WDFY2: variants seen among roughly 807,000 people sequenced by gnomAD.
WDFY2 encodes WD repeat and FYVE domain containing 2.
A neutral mutation model predicts 56.4 loss-of-function variants in WDFY2; 36 were observed. The observed-to-expected ratio is 0.64, with a 90% CI of 0.49 to 0.84. WDFY2 has a LOEUF of 0.84. Among genes scored for constraint, WDFY2 ranks in the 40% least tolerant of loss-of-function variants. WDFY2 has a pLI of 0.00. For synonymous variants in WDFY2, 176 were observed against 183.7 expected (o/e 0.96, Z 0.34); for missense variants, 444 against 512.2 (o/e 0.87, Z 1.29).
chr13:51,727,817 T>C (rs1482603494), intron 6 of WDFY2, 27 bp downstream of exon 6: 1 of 1,603,486 alleles, frequency 6.2e-7, no homozygotes, highest in Non-Finnish European at 8.5e-7. Flanking sequence ...AATCGTCATG[T>C]GCTGATAGCA....
intron 1 of WDFY2, among the ~76,000 whole-genome samples, chr13:51,657,889 C>G (rs1485493195): frequency 6.6e-6 from 1 of 152,124 alleles, no homozygotes; most frequent in Admixed American, 6.5e-5. Flanking sequence ...CTTTTTAAAA[C>G]TGTTAAAGTC....
Position 51,584,660 on chromosome 13 carries a change from C to T in WDFY2, c.-28C>T, listed in dbSNP as rs1474585518. 6.3e-7 allele frequency: 1 copy of T among 1,599,006 alleles called. No homozygotes were observed. Among genetic ancestry groups the T allele is most frequent in the Non-Finnish European group, 8.5e-7 (1 of 1,174,714 alleles). ...CCCGGCCCCGCGGCGCGGTTGGCGG[C>T]GGCGCCCCAGGCGCGCCCCCTCCTC... On this transcript the variant is annotated 5_prime_UTR_variant, in exon 1 of 12. Transcript: ENST00000298125.
chr13:51,759,172 C>A (rs905368213), intron 11 of WDFY2, among the ~76,000 whole-genome samples: 5 of 152,150 alleles, frequency 3.3e-5, no homozygotes, highest in Non-Finnish European at 4.4e-5. Flanking sequence ...CAGAGCAAGA[C>A]CCTGTCTCAA....
chr13:51,726,580 G>T (rs945164221), intron 5 of WDFY2, among the ~76,000 whole-genome samples: 6 of 152,172 alleles, frequency 3.9e-5, no homozygotes, highest in Admixed American at 1.3e-4. Flanking sequence ...CAGATTCCCA[G>T]AAGGAAAGCA....
In WDFY2 at chr13:51,630,116, T is replaced by C. The variant is rs556160416; in HGVS notation, c.138-30480T>C. Among the ~76,000 whole-genome samples, 9 of 152,268 alleles carry C rather than the reference T, an allele frequency of 5.9e-5. No individual in the cohort carries two copies. The Middle Eastern group carries it at 0.01, about 173-fold the overall frequency. On this transcript the variant is annotated intron_variant, in intron 1 of 11. Coordinates refer to ENST00000298125, the MANE Select transcript of WDFY2 (RefSeq NM_052950.4). ...ATGGAGCCTTAGCCATTAAAGACAT[T>C]GAGTTACTGAATCAACCTGGAACTA...
At chr13:51,663,962 A>G (rs1955658560) in intron 2 of WDFY2, among the ~76,000 whole-genome samples, 1 of 152,276 alleles carries the variant, frequency 6.6e-6, no homozygotes, top group Non-Finnish European at 1.5e-5. Flanking sequence ...AATTTTGTCC[A>G]TTAAAATACC....
chr13:51,730,249 T>TA (rs1485792741), intron 6 of WDFY2, among the ~76,000 whole-genome samples: 1 of 152,254 alleles, frequency 6.6e-6, no homozygotes, highest in Admixed American at 6.5e-5. Context: ...TTGTCGTTAT[T>TA]ACGCCACTGA....
chr13:51,704,888 G>T (rs189221298), intron 4 of WDFY2, among the ~76,000 whole-genome samples: 1 of 152,272 alleles, frequency 6.6e-6, no homozygotes, highest in East Asian at 1.9e-4. Flanking sequence ...ATACCCTGTG[G>T]TAGGTAACCT....
At chr13:51,679,411 T>G (rs1955941162) in intron 3 of WDFY2, among the ~76,000 whole-genome samples, 1 of 152,172 alleles carries the variant, frequency 6.6e-6, no homozygotes, top group Non-Finnish European at 1.5e-5. Context: ...CATTGAAGAT[T>G]TTTTGAAAAA....
chr13:51,751,511 A>G, intron 8 of WDFY2, 96 bp downstream of exon 8: 1 of 1,187,110 alleles, frequency 8.4e-7, no homozygotes, highest in Admixed American at 1.9e-5. Flanking sequence ...ACCATGAAAT[A>G]AGGCATGTAA....
chr13:51,648,454 A>G (rs1403236591), intron 1 of WDFY2, among the ~76,000 whole-genome samples: 3 of 152,202 alleles, frequency 2.0e-5, no homozygotes, highest in Non-Finnish European at 2.9e-5. Context: ...GGCCTGATGT[A>G]GTGCTTGACC....
chr13:51,607,432 G>C (rs919012983), intron 1 of WDFY2, among the ~76,000 whole-genome samples: 1 of 152,198 alleles, frequency 6.6e-6, no homozygotes, highest in African/African-American at 2.4e-5. Flanking sequence ...ATAAGAGGAG[G>C]ACTCCAGTCA....
At chr13:51,711,980 C>T (rs1474804041) in intron 4 of WDFY2, among the ~76,000 whole-genome samples, 1 of 152,158 alleles carries the variant, frequency 6.6e-6, no homozygotes, top group Non-Finnish European at 1.5e-5. Flanking sequence ...GCTATAAAGA[C>T]ACATGTACAC....
intron 1 of WDFY2, among the ~76,000 whole-genome samples, chr13:51,645,843 A>AT (rs1378213961): frequency 2.6e-5 from 4 of 151,912 alleles, no homozygotes; most frequent in African/African-American, 9.7e-5. Flanking sequence ...CCAAATCTTA[A>AT]TTTTCAGCCC....
chr13:51,742,861 TTC>T (rs1200020413), intron 7 of WDFY2, among the ~76,000 whole-genome samples: 5 of 152,226 alleles, frequency 3.3e-5, no homozygotes, highest in African/African-American at 7.2e-5. Context: ...AGCTCTTGAT[TTC>T]TCTCTTACTA....
intron 1 of WDFY2, among the ~76,000 whole-genome samples, chr13:51,597,062 G>A (rs1954165469): frequency 6.6e-6 from 1 of 152,024 alleles, no homozygotes; most frequent in Admixed American, 6.6e-5. Flanking sequence ...TCCAGTGTGT[G>A]GTCCTCCTCC....
intron 1 of WDFY2, among the ~76,000 whole-genome samples, chr13:51,616,258 G>T (rs1954611736): frequency 1.3e-5 from 2 of 152,118 alleles, no homozygotes; most frequent in Non-Finnish European, 2.9e-5. Flanking sequence ...ATAAGATACT[G>T]TATAAATTCA....
chr13:51,715,414 A>T (rs975636736), intron 4 of WDFY2, among the ~76,000 whole-genome samples: 1 of 152,126 alleles, frequency 6.6e-6, no homozygotes, highest in Admixed American at 6.5e-5. Flanking sequence ...TAAGACACAA[A>T]CACACGCATT....
intron 3 of WDFY2, among the ~76,000 whole-genome samples, chr13:51,697,836 T>G (rs987683692): frequency 6.6e-6 from 1 of 152,306 alleles, no homozygotes; most frequent in South Asian, 2.1e-4. Context: ...CAATTGTATG[T>G]GTTTCTGTGT....
Sources: gnomAD v4.1 joint callset for allele counts (sites outside exome capture counted in the v4.1 genomes callset) on GRCh38, gnomAD v4.1.1 for gene constraint, MANE v1.5 for transcripts, NCBI Gene and HGNC (gene_info 2026-07-23, HGNC 2026-07-21) for gene names.